The following PKIB variants were observed in gnomAD, a reference collection of about 807,000 sequenced individuals.
PKIB encodes PKI-beta.
In PKIB, 2 loss-of-function variants were observed where a neutral mutation model predicts 4.5. That is an observed-to-expected ratio of 0.44 (90% CI 0.18 to 1.39). The LOEUF (loss-of-function observed/expected upper bound fraction) is 1.39, where lower values mean the gene tolerates loss of function less well. PKIB is among the 40% of genes most tolerant of loss of function. The pLI, the probability that PKIB is intolerant of heterozygous loss-of-function variation, is 0.27. For synonymous variants in PKIB, 38 were observed against 36.0 expected, an observed-to-expected ratio of 1.06 and a Z score of -0.20; for missense variants, 94 against 92.6, an observed-to-expected ratio of 1.02 and a Z score of -0.06.
At chr6:122,502,493 A>G (rs1039374423) in intron 2 of PKIB, among the ~76,000 whole-genome samples, 8 of 151,720 alleles carry the variant, frequency 5.3e-5, no homozygotes, top group African/African-American at 1.9e-4. Context: ...AACAGGCACA[A>G]TCTTCGTTTG....
intron 3 of PKIB, among the ~76,000 whole-genome samples, chr6:122,592,144 A>C (rs1774038057): frequency 6.6e-6 from 1 of 151,932 alleles, no homozygotes; most frequent in Non-Finnish European, 1.5e-5. Context: ...ACATTAAAAA[A>C]TAAATCTAAT....
chr6:122,686,571 C>T (rs866384374), intron 3 of PKIB, among the ~76,000 whole-genome samples: 37 of 151,986 alleles, frequency 2.4e-4, no homozygotes, highest in African/African-American at 8.4e-4. Flanking sequence ...GATCATGGCT[C>T]GCTGCAGCCT....
intron 2 of PKIB, among the ~76,000 whole-genome samples, chr6:122,515,958 C>T (rs536744320): frequency 9.1e-4 from 139 of 152,188 alleles, no homozygotes; most frequent in Admixed American, 2.1e-3. Context: ...TGTGATCTGC[C>T]CTCCTCGGCC....
intron 2 of PKIB, among the ~76,000 whole-genome samples, chr6:122,546,279 G>A (rs937883034): frequency 2.0e-5 from 3 of 151,876 alleles, no homozygotes; most frequent in Non-Finnish European, 2.9e-5. Flanking sequence ...GGGACTCTTG[G>A]TTGGACCCAA....
At position 122,726,249 on chromosome 6, in the gene PKIB, ATTAAT is replaced by A. The variant is rs1779946244; in HGVS notation, c.*1058_*1062del. 1 of 152,250 alleles carries A rather than the reference ATTAAT, an allele frequency of 6.6e-6. No homozygotes were observed. Among genetic ancestry groups the A allele is most frequent in the East Asian group, 1.9e-4 (1 of 5,184 alleles). 9.4% of individuals were successfully genotyped at this position (152,250 alleles called of 1,614,324 possible). A position where few individuals can be genotyped will look rare whatever the true frequency, so the allele number is the denominator to read the frequency against. On this transcript the variant is annotated 3_prime_UTR_variant, in exon 5 of 5. Transcript: ENST00000368452. ...TTCTGAAGTTTTAAAAATGTCAGTA[ATTAAT>A]TTATTTTCATTTTCAGAAATATATG...
intron 2 of PKIB, among the ~76,000 whole-genome samples, chr6:122,581,434 A>C (rs1277631219): frequency 1.3e-5 from 2 of 152,152 alleles, no homozygotes; most frequent in South Asian, 4.1e-4. Context: ...TTAAGCATGA[A>C]AAGCTGAAAA....
At chr6:122,598,646 G>T (rs1774251492) in intron 3 of PKIB, among the ~76,000 whole-genome samples, 1 of 152,144 alleles carries the variant, frequency 6.6e-6, no homozygotes, top group South Asian at 2.1e-4. Flanking sequence ...GGATGAGTAG[G>T]TCTAAAGTGA....
chr6:122,569,578 C>T (rs1773297230), intron 2 of PKIB, among the ~76,000 whole-genome samples: 1 of 152,206 alleles, frequency 6.6e-6, no homozygotes, highest in Non-Finnish European at 1.5e-5. Context: ...GAGTCTACGT[C>T]ACTCCTCTAC....
chr6:122,632,062 C>T (rs1775725961), intron 1 of PKIB, among the ~76,000 whole-genome samples: 1 of 152,058 alleles, frequency 6.6e-6, no homozygotes, highest in Non-Finnish European at 1.5e-5. Flanking sequence ...AATGTCATAA[C>T]CCCTGGAAGA....
intron 2 of PKIB, among the ~76,000 whole-genome samples, chr6:122,497,560 G>A (rs1158507865): frequency 6.6e-6 from 1 of 152,096 alleles, no homozygotes; most frequent in Non-Finnish European, 1.5e-5. Context: ...AAAGAGATCA[G>A]GGGTCATTAT....
intron 2 of PKIB, among the ~76,000 whole-genome samples, chr6:122,548,029 T>A (rs918834877): frequency 6.6e-6 from 1 of 151,264 alleles, no homozygotes; most frequent in Non-Finnish European, 1.5e-5. Flanking sequence ...AAACTTTGGG[T>A]ACATAGGCTC....
intron 2 of PKIB, among the ~76,000 whole-genome samples, chr6:122,513,505 A>G (rs888249001): frequency 6.6e-6 from 1 of 152,206 alleles, no homozygotes; most frequent in Non-Finnish European, 1.5e-5. Flanking sequence ...GTATATGTGC[A>G]GCTTTGCTAC....
At chr6:122,490,140 A>G (rs1775896608) in intron 2 of PKIB, among the ~76,000 whole-genome samples, 1 of 152,216 alleles carries the variant, frequency 6.6e-6, no homozygotes, top group Non-Finnish European at 1.5e-5. Context: ...ATGCTGATTT[A>G]TAGAGTCATT....
At chr6:122,590,868 T>C (rs189780570) in intron 3 of PKIB, among the ~76,000 whole-genome samples, 247 of 152,202 alleles carry the variant, frequency 1.6e-3, no homozygotes, top group African/African-American at 5.8e-3. Context: ...CCACAAAGGG[T>C]AATGACTTCT....
intron 3 of PKIB, among the ~76,000 whole-genome samples, chr6:122,692,463 GCCA>G (rs1427313226): frequency 1.3e-5 from 2 of 152,106 alleles, no homozygotes; most frequent in African/African-American, 4.8e-5. Flanking sequence ...TCTCTCTGTG[GCCA>G]CCACCACAGC....
chr6:122,573,104 C>G (rs888284089), intron 2 of PKIB, among the ~76,000 whole-genome samples: 6 of 152,210 alleles, frequency 3.9e-5, no homozygotes, highest in African/African-American at 1.4e-4. Context: ...GGGAATCCTC[C>G]CTAAGTTATT....
At chr6:122,606,179 C>T (rs180960116), upstream of PKIB, among the ~76,000 whole-genome samples, 8 of 152,254 alleles carry the variant, frequency 5.3e-5, no homozygotes, top group East Asian at 1.2e-3. Context: ...CCAATGCCAA[C>T]AGTAGAGAAG....
rs1411497548 is a variant in PKIB at position 122,490,002 on chromosome 6, T to A, written c.-248+12063T>A. 2.0e-5 allele frequency among the ~76,000 whole-genome samples: 3 copies of A among 152,352 alleles called. No homozygotes were observed. The East Asian group carries it at 5.8e-4, about 29-fold the overall frequency. ...GTGTATACAAAAAAATGTCATGTGC[T>A]TTTGATAGTGTTTGATATAAAATGG... is the stretch of plus-strand genomic sequence containing the variant. On this transcript the variant is annotated intron_variant, in intron 2 of 6. Transcript: ENST00000392491.
intron 2 of PKIB, among the ~76,000 whole-genome samples, chr6:122,558,879 T>C (rs1448218052): frequency 6.6e-6 from 1 of 152,198 alleles, no homozygotes; most frequent in Admixed American, 6.5e-5. Flanking sequence ...ACCATATTTG[T>C]AGTCTTTTAT....
Sources: gnomAD v4.1 joint callset for allele counts (sites outside exome capture counted in the v4.1 genomes callset) on GRCh38, gnomAD v4.1.1 for gene constraint, MANE v1.5 for transcripts, NCBI Gene and HGNC (gene_info 2026-07-23, HGNC 2026-07-21) for gene names.